Variants in WDFY4 observed in about 807,000 individuals in gnomAD.
The protein encoded by WDFY4 is WDFY family member 4.
WDFY4 carries 169 observed loss-of-function variants against 351.9 expected under a neutral mutation model. The observed-to-expected ratio is 0.48, with a 90% CI of 0.42 to 0.55. The LOEUF is 0.55. WDFY4 is among the 20% of genes least tolerant of loss of function. The pLI is 0.00. For synonymous variants in WDFY4, 1,622 were observed against 1,574.6 expected (o/e 1.03, Z -0.71); for missense variants, 3,803 against 3,935.6 (o/e 0.97, Z 0.90).
At chr10:48,722,701 C>A (rs1361737654) in intron 4 of WDFY4, among the ~76,000 whole-genome samples, 1 of 152,132 alleles carries the variant, frequency 6.6e-6, no homozygotes, top group Admixed American at 6.5e-5. Flanking sequence ...GCATCATGCA[C>A]ACACACACAC....
At chr10:48,866,748 A>G (rs1364298021) in intron 39 of WDFY4, among the ~76,000 whole-genome samples, 1 of 152,244 alleles carries the variant, frequency 6.6e-6, no homozygotes, top group East Asian at 1.9e-4. Flanking sequence ...GAAGCAACCC[A>G]TAAACACGTA....
At chr10:48,904,008 G>A (rs1837492607) in intron 47 of WDFY4, among the ~76,000 whole-genome samples, 1 of 152,234 alleles carries the variant, frequency 6.6e-6, no homozygotes, top group Non-Finnish European at 1.5e-5. Flanking sequence ...CTGGAAGCCA[G>A]GTAGAGTGAC....
intron 43 of WDFY4, among the ~76,000 whole-genome samples, chr10:48,880,624 C>CGGT (rs2070206905): frequency 6.6e-6 from 1 of 152,142 alleles, no homozygotes; most frequent in African/African-American, 2.4e-5. Context: ...ACTTGGCACC[C>CGGT]GGTGGCCAGT....
chr10:48,727,444 G>T (rs1319800831), intron 6 of WDFY4, 26 bp from the exon 7 acceptor site: 1 of 1,548,100 alleles, frequency 6.5e-7, no homozygotes, highest in Non-Finnish European at 8.7e-7. Context: ...AGCTCAGCAG[G>T]TCTCTCCTGT....
chr10:48,934,406 G>A (rs7092871), intron 47 of WDFY4, among the ~76,000 whole-genome samples: 55,266 of 151,676 alleles, frequency 0.36, 10,605 homozygotes, highest in African/African-American at 0.49. Flanking sequence ...TCTCCACCGG[G>A]GGGATACAGC....
At chr10:48,918,074 C>T (rs1838714770) in intron 47 of WDFY4, among the ~76,000 whole-genome samples, 1 of 151,762 alleles carries the variant, frequency 6.6e-6, no homozygotes. Flanking sequence ...ATCACTAAGG[C>T]AATATATAAA....
At position 48,982,541 on chromosome 10, in the gene WDFY4, G is replaced by C. The variant is rs979743794; in HGVS notation, c.9521G>C (p.Arg3174Thr). 1 of 1,538,448 alleles carries C rather than the reference G, an allele frequency of 6.5e-7. No individual in the cohort carries two copies. Among genetic ancestry groups the C allele is most frequent in the East Asian group, 2.5e-5 (1 of 40,632 alleles). ...NHTKLLVGDERGRIFCWSADG is the reference protein window; with the variant it reads ...NHTKLLVGDETGRIFCWSADG ...ACCAAACTCCTGGTTGGTGATGAGA[G>C]GGGGAGAATATTCTGCTGGTCTGCA... The change falls in exon 62 of 62, where the codon AGG (arginine) becomes ACG (threonine). Residue 3174 changes from arginine to threonine, a missense_variant. By Grantham distance (71) the Arg-to-Thr change is moderately conservative. This residue lies in a region of WDFY4 where 3,054 missense variants were observed against 3,148.6 expected (regional missense o/e 0.97). Transcript: ENST00000325239.
chr10:48,831,191 C>T (rs2068177168), intron 38 of WDFY4, among the ~76,000 whole-genome samples: 1 of 152,178 alleles, frequency 6.6e-6, no homozygotes, highest in Non-Finnish European at 1.5e-5. Flanking sequence ...GTTCTAGGTC[C>T]TACCCTGTTA....
At chr10:48,765,282 T>G (rs2065633036) in intron 13 of WDFY4, among the ~76,000 whole-genome samples, 1 of 152,244 alleles carries the variant, frequency 6.6e-6, no homozygotes, top group Non-Finnish European at 1.5e-5. Flanking sequence ...GAGGGCAGAC[T>G]TCAGGCTCTG....
chr10:48,781,292 G>A (rs563077817), intron 19 of WDFY4, among the ~76,000 whole-genome samples: 104 of 151,056 alleles, frequency 6.9e-4, no homozygotes, highest in Non-Finnish European at 1.1e-3. Flanking sequence ...GTGTGTGTGT[G>A]TATATATATA....
rs774108716 is a variant in WDFY4, at chr10:48,774,665, G to A, written c.2761G>A (p.Val921Met). ...KLASQAIEPD[V>M]LRQFLGLGIP... Reference sequence around the variant, plus strand: ...CGCTTCCCAGGCCATTGAACCGGATGTGCTAAGGTACCACATGCTGCATAT... The same window carrying A: ...CGCTTCCCAGGCCATTGAACCGGATATGCTAAGGTACCACATGCTGCATAT... The change falls in exon 14 of 62, where the codon GTG becomes ATG. Residue 921 changes from valine (V) to methionine (M), a missense_variant. Physicochemically the swap from Val to Met is conservative, Grantham distance 21. This residue lies in a region of WDFY4 where 3,054 missense variants were observed against 3,148.6 expected (regional missense o/e 0.97). Transcript: ENST00000325239. The A allele has an allele frequency of 3.9e-6, 6 of 1,551,726 alleles. No individual in the cohort carries two copies. The South Asian group carries it at 4.8e-5, about 12-fold the overall frequency.
Position 48,777,487 on chromosome 10 carries a change from T to C in WDFY4, c.3167T>C (p.Ile1056Thr), listed in dbSNP as rs1238781852. The C allele has an allele frequency of 1.3e-6, 2 of 1,551,744 alleles. No homozygotes were observed. Among genetic ancestry groups the C allele is most frequent in the African/African-American group, 1.4e-5 (1 of 73,176 alleles). Residue 1056 changes from isoleucine (I) to threonine (T), a missense_variant, in exon 17 of 62, where the codon ATT becomes ACT. By Grantham distance (89) the Ile-to-Thr change is moderately conservative. Coordinates refer to ENST00000325239, the MANE Select transcript of WDFY4 (RefSeq NM_001394531.1). ...ACTGAGTACTCTGTCTCTGGAGGAA[T>C]TGGGACAGGTAGGTGTTTTTCCCAG... ...TSTEYSVSGG[I>T]GTGATRPFPP...
Position 48,720,031 on chromosome 10 carries a change from G to A in WDFY4, c.255G>A (p.Gly85=), listed in dbSNP as rs796260358. The A allele has an allele frequency of 6.4e-7, 1 of 1,551,714 alleles. No individual in the cohort carries two copies. Among genetic ancestry groups the A allele is most frequent in the Non-Finnish European group, 8.7e-7 (1 of 1,146,972 alleles). ...TTCAGGCCTGGGAACACTCCGTGGG[G>A]ATCATCTGCTTTCCCAGTCTCCAAA... ...LFLKAWEHSV[G]IICFPSLQRL... The change falls in exon 3 of 62, where the codon GGG becomes GGA. Residue 85 remains glycine (G), a synonymous_variant. Transcript: ENST00000325239.
In WDFY4 at chr10:48,715,213, C is replaced by T. The variant is rs145995363; in HGVS notation, c.235-4798C>T. ...TGGATCTCTTAGCTCCCATTAGCTG[C>T]CCTAGCAGAATGGAGCACAGAAAAG... On this transcript the variant is annotated intron_variant, in intron 2 of 61. Transcript: ENST00000325239. Among the ~76,000 whole-genome samples, 3 of 152,368 alleles carry T rather than the reference C, an allele frequency of 2.0e-5. No homozygotes were observed. In the East Asian group the frequency reaches 5.8e-4, roughly 29 times the overall value.
Position 48,975,041 on chromosome 10 carries a change from A to T in WDFY4, c.9108A>T (p.Ser3036=), listed in dbSNP as rs1260867023. The part of the protein sequence containing the change: ...GISAITISDV[S]GTIVSCAGAH... ...CAGCCATCACCATCAGTGACGTCTCAGTAAGTCTCCTGTTTCTCAGTGTCC... is the reference window on the plus strand; with the variant it reads ...CAGCCATCACCATCAGTGACGTCTCTGTAAGTCTCCTGTTTCTCAGTGTCC... Residue 3036 remains serine, a splice_region_variant and synonymous_variant, in exon 58 of 62, where the codon TCA becomes TCT. Coordinates refer to ENST00000325239, the MANE Select transcript of WDFY4 (RefSeq NM_001394531.1). 5.2e-6 allele frequency: 8 copies of T among 1,551,624 alleles called. No individual in the cohort carries two copies. The highest frequency in any genetic ancestry group is 4.9e-5 in the East Asian group (2 of 40,936).
At chr10:48,692,263 T>C (rs1203532288) in intron 1 of WDFY4, among the ~76,000 whole-genome samples, 1 of 152,228 alleles carries the variant, frequency 6.6e-6, no homozygotes, top group African/African-American at 2.4e-5. Context: ...TTCTTGTATT[T>C]CCTTTTAGCC....
intron 49 of WDFY4, among the ~76,000 whole-genome samples, chr10:48,943,839 C>A (rs1423960844): frequency 6.6e-6 from 1 of 152,204 alleles, no homozygotes; most frequent in Non-Finnish European, 1.5e-5. Context: ...AAATGATTCT[C>A]CCGCCTCGGC....
At chr10:48,879,703 G>A (rs2070169644) in intron 43 of WDFY4, among the ~76,000 whole-genome samples, 1 of 152,148 alleles carries the variant, frequency 6.6e-6, no homozygotes, top group Admixed American at 6.5e-5. Flanking sequence ...TCCAGTGCTG[G>A]CAGAATCCAC....
chr10:48,913,743 G>A (rs780447483), intron 47 of WDFY4: 4 of 1,613,790 alleles, frequency 2.5e-6, no homozygotes, highest in Non-Finnish European at 3.4e-6. Flanking sequence ...CCCCAGTGTG[G>A]TGGGCACGCT....
Sources: allele counts gnomAD v4.1 joint callset (sites outside exome capture counted in the v4.1 genomes callset), GRCh38; gene constraint gnomAD v4.1.1; regional missense constraint gnomAD v4.1.1; transcripts MANE v1.5; gene names NCBI Gene and HGNC (gene_info 2026-07-23, HGNC 2026-07-21).